The following PLXNA4 variants were observed in gnomAD, a reference collection of about 807,000 sequenced individuals.
PLXNA4 encodes the protein plexin-A4.
PLXNA4 carries 44 observed loss-of-function variants against 191.8 expected under a neutral mutation model. The observed-to-expected ratio is 0.23, with a 90% CI of 0.18 to 0.29. The LOEUF (loss-of-function observed/expected upper bound fraction) is 0.29. PLXNA4 is among the 10% of genes least tolerant of loss of function. The pLI is 1.00. For synonymous variants in PLXNA4, 1,082 were observed against 1,009.5 expected (o/e 1.07, Z -1.36); for missense variants, 1,800 against 2,488.8 (o/e 0.72, Z 5.89).
chr7:132,446,334 C>T (rs928313273), intron 3 of PLXNA4, among the ~76,000 whole-genome samples: 7 of 152,192 alleles, frequency 4.6e-5, no homozygotes, highest in Admixed American at 2.6e-4. Context: ...TAGGCACAGG[C>T]ACTGTCACCA....
At chr7:132,171,497 A>G (rs1796285130) in intron 21 of PLXNA4, among the ~76,000 whole-genome samples, 1 of 152,162 alleles carries the variant, frequency 6.6e-6, no homozygotes, top group African/African-American at 2.4e-5. Context: ...GCCTCCCACC[A>G]GCTCAGACTG....
intron 4 of PLXNA4, among the ~76,000 whole-genome samples, chr7:132,270,102 A>G (rs1477598163): frequency 6.6e-6 from 1 of 152,206 alleles, no homozygotes; most frequent in Non-Finnish European, 1.5e-5. Context: ...AGAGACATGT[A>G]TATATGAAGA....
intron 2 of PLXNA4, among the ~76,000 whole-genome samples, chr7:132,645,199 T>C (rs60895820): frequency 0.017 from 2,580 of 152,326 alleles, 84 homozygotes; most frequent in African/African-American, 0.058. Context: ...CAGTCTGATA[T>C]GGTTTGGCTC....
At chr7:132,402,467 ATC>A (rs1794030655) in intron 3 of PLXNA4, among the ~76,000 whole-genome samples, 1 of 152,232 alleles carries the variant, frequency 6.6e-6, no homozygotes, top group Non-Finnish European at 1.5e-5. Context: ...CTTGGAGAAC[ATC>A]TCTTTGCCTT....
chr7:132,541,661 C>T (rs908609544), intron 1 of PLXNA4, among the ~76,000 whole-genome samples: 2 of 152,254 alleles, frequency 1.3e-5, no homozygotes, highest in African/African-American at 2.4e-5. Flanking sequence ...ACCTTGCCCA[C>T]GTCAGTGAAA....
chr7:132,251,523 G>A (rs962538079), intron 4 of PLXNA4, among the ~76,000 whole-genome samples: 2 of 152,180 alleles, frequency 1.3e-5, no homozygotes, highest in Non-Finnish European at 2.9e-5. Context: ...GGCTCCTTGT[G>A]GGAAGTGGCA....
chr7:132,126,754 G>T lies in PLXNA4; in HGVS notation c.*3725C>A, dbSNP rs1794779772. 2 of 152,210 alleles carry T rather than the reference G, an allele frequency of 1.3e-5. No homozygotes were observed. Among genetic ancestry groups the T allele is most frequent in the Admixed American group, 6.5e-5 (1 of 15,270 alleles). The allele number at this position is 152,210 out of a possible 1,614,324, so 9.4% of individuals were successfully genotyped here. On this transcript the variant is annotated 3_prime_UTR_variant, in exon 32 of 32. Transcript: ENST00000321063. ...GCCAAGCTCACTTACCAGGCTGCGG[G>T]TGCACAAGGGGTAGGCTTTAGGGGC...
intron 3 of PLXNA4, among the ~76,000 whole-genome samples, chr7:132,415,728 G>C (rs547418108): frequency 2.6e-5 from 4 of 152,246 alleles, no homozygotes; most frequent in Admixed American, 2.6e-4. Context: ...CATCAATACA[G>C]CAAACCCACA....
intron 1 of PLXNA4, among the ~76,000 whole-genome samples, chr7:132,540,624 AG>A (rs1177435101): frequency 9.1e-6 from 1 of 109,768 alleles, no homozygotes; most frequent in African/African-American, 3.5e-5. Flanking sequence ...TCTGTCGCCC[AG>A]GCCGGACTGC....
chr7:132,560,795 G>A (rs1366216613), intron 1 of PLXNA4, among the ~76,000 whole-genome samples: 1 of 152,036 alleles, frequency 6.6e-6, no homozygotes, highest in African/African-American at 2.4e-5. Context: ...CCCACTGCCC[G>A]TTCCTTGCTG....
intron 3 of PLXNA4, among the ~76,000 whole-genome samples, chr7:132,379,625 G>A (rs1323180477): frequency 6.6e-6 from 1 of 152,168 alleles, no homozygotes. Flanking sequence ...TGATTATAAT[G>A]TACTCTGAGC....
chr7:132,335,985 T>G (rs1274740456), intron 3 of PLXNA4, among the ~76,000 whole-genome samples: 4 of 152,066 alleles, frequency 2.6e-5, no homozygotes, highest in Non-Finnish European at 5.9e-5. Flanking sequence ...GAACCATCAG[T>G]AGAGAGATGA....
chr7:132,489,191 T>G (rs1353955413), intron 3 of PLXNA4, 101 bp downstream of exon 3: 1 of 1,268,236 alleles, frequency 7.9e-7, no homozygotes, highest in Non-Finnish European at 1.1e-6. Flanking sequence ...CTGTATCACC[T>G]GCCCACACGC....
intron 3 of PLXNA4, among the ~76,000 whole-genome samples, chr7:132,447,968 G>A (rs1795974168): frequency 6.6e-6 from 1 of 152,094 alleles, no homozygotes; most frequent in African/African-American, 2.4e-5. Context: ...CCAAGATGAT[G>A]GCGCTGCACT....
At chr7:132,381,533 C>T (rs918860498) in intron 3 of PLXNA4, among the ~76,000 whole-genome samples, 2 of 152,120 alleles carry the variant, frequency 1.3e-5, no homozygotes, top group African/African-American at 4.8e-5. Flanking sequence ...TAAATTTGAC[C>T]AGATAATCTT....
intron 25 of PLXNA4, among the ~76,000 whole-genome samples, chr7:132,157,406 ACTTGC>A (rs1795829426): frequency 6.6e-6 from 1 of 152,082 alleles, no homozygotes; most frequent in African/African-American, 2.4e-5. Context: ...CCCATAAAAG[ACTTGC>A]CTTGCTGGGC....
At chr7:132,153,422 C>T (rs1442382426) in intron 25 of PLXNA4, among the ~76,000 whole-genome samples, 2 of 152,024 alleles carry the variant, frequency 1.3e-5, no homozygotes, top group Admixed American at 1.3e-4. Context: ...GAGGCATGAG[C>T]CCTGTCGGGA....
intron 1 of PLXNA4, among the ~76,000 whole-genome samples, chr7:132,520,941 T>G (rs1799151368): frequency 6.6e-6 from 1 of 151,900 alleles, no homozygotes; most frequent in Non-Finnish European, 1.5e-5. Context: ...CTAGTGGGAG[T>G]GCCTCACTCC....
intron 25 of PLXNA4, among the ~76,000 whole-genome samples, 183 bp downstream of exon 25, chr7:132,159,290 T>G (rs2116627326): frequency 6.6e-6 from 1 of 152,244 alleles, no homozygotes; most frequent in South Asian, 2.1e-4. Context: ...CTCTGGTCAA[T>G]TCCAAGCAGG....
Sources: gnomAD v4.1 joint callset for allele counts (sites outside exome capture counted in the v4.1 genomes callset) on GRCh38, gnomAD v4.1.1 for gene constraint, MANE v1.5 for transcripts, NCBI Gene and HGNC (gene_info 2026-07-23, HGNC 2026-07-21) for gene names.